Variants in LRRC56 observed in about 807,000 individuals in gnomAD.
LRRC56 encodes the protein leucine rich repeat containing 56, also known as leucine-rich repeat-containing protein 56.
Under a neutral mutation model 47.8 loss-of-function variants are expected in LRRC56, and 41 were observed. That is an observed-to-expected ratio of 0.86 (90% confidence interval 0.67 to 1.11). LRRC56 has a LOEUF of 1.11. Ranked by LOEUF, LRRC56 falls within the 50% of genes most tolerant of loss-of-function variation. LRRC56 has a pLI of 0.00. For synonymous variants in LRRC56, 387 were observed against 311.2 expected (o/e 1.24, Z -2.56); for missense variants, 759 against 704.2 (o/e 1.08, Z -0.88).
Position 544,795 on chromosome 11 carries a change from G to A in LRRC56, c.326+15G>A, listed in dbSNP as rs763438057. 1.9e-6 allele frequency: 3 copies of A among 1,611,250 alleles called. No individual in the cohort carries two copies. The highest frequency in any genetic ancestry group is 2.5e-6 in the Non-Finnish European group (3 of 1,179,310). ...GGCTCCCTGAGGTGAGCGCCTGAGG[G>A]GGGTGGGCTGGGGCCCTGCCATGAG... On this transcript the variant is annotated intron_variant, in intron 6 of 13. Coordinates refer to ENST00000270115, the MANE Select transcript of LRRC56 (RefSeq NM_198075.4).
chr11:547,955 G>A (rs543019192), intron 6 of LRRC56, among the ~76,000 whole-genome samples: 6 of 151,976 alleles, frequency 3.9e-5, no homozygotes, highest in South Asian at 4.2e-4. Context: ...GTGAAACCCC[G>A]TATCTACTAA....
chr11:533,801 G>A (rs759463996), upstream of LRRC56: 22 of 1,613,388 alleles, frequency 1.4e-5, no homozygotes, highest in East Asian at 2.2e-5. Context: ...ACTTGGTGTT[G>A]TTGATGGCAA....
At chr11:530,515 C>T in the LRRC56 span, among the ~76,000 whole-genome samples, 1 of 107,258 alleles carries the variant, frequency 9.3e-6, no homozygotes, top group Non-Finnish European at 1.9e-5. Context: ...GTGTGGCGTC[C>T]CCTGGAGAGA....
At chr11:534,299 C>T (rs1451160542), upstream of LRRC56, 1 of 1,613,276 alleles carries the variant, frequency 6.2e-7, no homozygotes, top group Non-Finnish European at 8.5e-7. Context: ...CGGCGCCCAC[C>T]ACCACCAGCT....
upstream of LRRC56, chr11:534,611 A>C: frequency 3.8e-6 from 2 of 526,874 alleles, no homozygotes; most frequent in Non-Finnish European, 6.9e-6. Flanking sequence ...CCAGCCCTCA[A>C]AGGCAGGGCT....
intron 3 of LRRC56, among the ~76,000 whole-genome samples, chr11:540,337 A>G (rs576880362): frequency 2.4e-4 from 37 of 152,302 alleles, no homozygotes; most frequent in Non-Finnish European, 3.1e-4. Context: ...CCAGGCTCAC[A>G]GCCCCTGTGG....
At chr11:533,683 G>A, upstream of LRRC56, 4 of 1,611,716 alleles carry the variant, frequency 2.5e-6, no homozygotes, top group Admixed American at 1.7e-5. Context: ...TGCGCAGAGA[G>A]GACAGGAGGC....
upstream of LRRC56, chr11:533,861 G>A (rs898057728): frequency 1.2e-6 from 2 of 1,613,304 alleles, no homozygotes; most frequent in African/African-American, 1.3e-5. Context: ...CCCGCATGGC[G>A]CTGTACTCCT....
the LRRC56 span, among the ~76,000 whole-genome samples, chr11:510,930 G>A: frequency 2.8e-3 from 422 of 151,900 alleles, 1 homozygote; most frequent in Admixed American, 4.7e-3. Flanking sequence ...TAATATGTTT[G>A]TCTGAAAGTG....
At chr11:540,035 G>A (rs1418120592) in intron 3 of LRRC56, among the ~76,000 whole-genome samples, 1 of 152,228 alleles carries the variant, frequency 6.6e-6, no homozygotes, top group Non-Finnish European at 1.5e-5. Flanking sequence ...CCTCAGCCTG[G>A]CCCATTCCAG....
chr11:529,830 C>T, the LRRC56 span: 2 of 152,220 alleles, frequency 1.3e-5, no homozygotes, highest in African/African-American at 4.8e-5. Context: ...CTCTCCCCTG[C>T]CCATCAGCAC....
chr11:518,844 A>C, the LRRC56 span, among the ~76,000 whole-genome samples: 1 of 151,420 alleles, frequency 6.6e-6, no homozygotes. Context: ...GCCGCCCCGA[A>C]CGCGCGAGCG....
rs996713085 is a variant in LRRC56, at chr11:551,163, G to A, written c.657G>A (p.Val219=). The stretch of plus-strand genomic sequence containing the variant: ...GGGGCTACAACTACAGGGCAGAGGT[G>A]AGGAAGCTCATTCCCCAGCTGCAGG... ...VPRGYNYRAE[V]RKLIPQLQVL... Residue 219 remains valine (V), a synonymous_variant, in exon 9 of 14, where the codon GTG becomes GTA. Coordinates refer to ENST00000270115, the MANE Select transcript of LRRC56 (RefSeq NM_198075.4). 1 of 1,541,056 alleles carries A rather than the reference G, an allele frequency of 6.5e-7. No individual in the cohort carries two copies. The highest frequency in any genetic ancestry group is 8.8e-7 in the Non-Finnish European group (1 of 1,141,206).
At chr11:552,035 G>T (rs1564807624) in intron 11 of LRRC56, 55 bp from the exon 12 acceptor site, 2 of 1,605,376 alleles carry the variant, frequency 1.2e-6, no homozygotes, top group African/African-American at 2.7e-5. Context: ...ACAGTGCCCT[G>T]CCCTGCCGCC....
chr11:512,805 T>G, the LRRC56 span, among the ~76,000 whole-genome samples: 2,628 of 152,330 alleles, frequency 0.017, 35 homozygotes, highest in Non-Finnish European at 0.025. Flanking sequence ...TTCTAGTTGA[T>G]GGAGGGCAGG....
chr11:534,041 C>T (rs1416002692), upstream of LRRC56: 3 of 1,367,900 alleles, frequency 2.2e-6, no homozygotes, highest in Non-Finnish European at 2.1e-6. Context: ...CCCCTCATGC[C>T]CCCTCCTCTC....
chr11:508,565 A>G, the LRRC56 span, among the ~76,000 whole-genome samples: 3 of 152,118 alleles, frequency 2.0e-5, no homozygotes, highest in Non-Finnish European at 2.9e-5. Context: ...TCAGGAGTTC[A>G]AGACCAGCCT....
At chr11:548,397 C>T (rs886648405) in intron 6 of LRRC56, among the ~76,000 whole-genome samples, 1 of 152,160 alleles carries the variant, frequency 6.6e-6, no homozygotes, top group African/African-American at 2.4e-5. Context: ...CCTCCCACCT[C>T]AGCCTCCTGA....
the LRRC56 span, chr11:528,847 T>C: frequency 1.3e-5 from 2 of 152,846 alleles, no homozygotes; most frequent in Non-Finnish European, 2.9e-5. Context: ...CCTATTGTGA[T>C]GTGTGCAGCC....
Sources: allele counts gnomAD v4.1 joint callset (sites outside exome capture counted in the v4.1 genomes callset), GRCh38; gene constraint gnomAD v4.1.1; transcripts MANE v1.5; gene names NCBI Gene and HGNC (gene_info 2026-07-23, HGNC 2026-07-21).